Variants in PKP4 observed in about 807,000 individuals in gnomAD.
PKP4 encodes plakophilin-4.
PKP4 carries 90 observed loss-of-function variants against 145.1 expected under a neutral mutation model. The observed-to-expected ratio is 0.62, with a 90% CI of 0.52 to 0.74. The LOEUF is 0.74. Among genes scored for constraint, PKP4 ranks in the 30% least tolerant of loss-of-function variants. PKP4 has a pLI of 0.00. For missense variants in PKP4, 1,340 were observed against 1,482.7 expected (o/e 0.90, Z 1.58); for synonymous variants, 563 against 577.2 (o/e 0.98, Z 0.35).
chr2:158,593,718 T>C (rs142241659), intron 3 of PKP4, among the ~76,000 whole-genome samples: 1 of 152,338 alleles, frequency 6.6e-6, no homozygotes, highest in African/African-American at 2.4e-5. Context: ...ATATTGTTTA[T>C]TTAAATCTTA....
At chr2:158,473,786 C>T (rs985697596) in intron 1 of PKP4, among the ~76,000 whole-genome samples, 1 of 152,066 alleles carries the variant, frequency 6.6e-6, no homozygotes, top group South Asian at 2.1e-4. Flanking sequence ...TCACATGTAC[C>T]CCTGAACCTA....
At chr2:158,670,578 A>G (rs565197828) in intron 17 of PKP4, among the ~76,000 whole-genome samples, 1 of 152,326 alleles carries the variant, frequency 6.6e-6, no homozygotes, top group South Asian at 2.1e-4. Context: ...AAATGCCAGG[A>G]TGAGAAAAAT....
At chr2:158,528,286 A>G (rs1574304704) in intron 1 of PKP4, among the ~76,000 whole-genome samples, 1 of 148,524 alleles carries the variant, frequency 6.7e-6, no homozygotes. Flanking sequence ...GCACATATAC[A>G]CCATGGAATA....
intron 1 of PKP4, among the ~76,000 whole-genome samples, chr2:158,492,029 A>C (rs1456152415): frequency 6.6e-6 from 1 of 152,126 alleles, no homozygotes; most frequent in African/African-American, 2.4e-5. Context: ...GGCTGGTCTC[A>C]AACCTCTAGG....
chr2:158,559,500 G>A (rs181248250), intron 2 of PKP4, among the ~76,000 whole-genome samples: 488 of 152,208 alleles, frequency 3.2e-3, no homozygotes, highest in African/African-American at 3.5e-3. Flanking sequence ...CAAGCCCTAC[G>A]CAGGAACCCT....
At chr2:158,516,926 G>T (rs1371474970) in intron 1 of PKP4, among the ~76,000 whole-genome samples, 1 of 152,086 alleles carries the variant, frequency 6.6e-6, no homozygotes, top group African/African-American at 2.4e-5. Flanking sequence ...CTCCCAAAGT[G>T]CTGAGAGTAC....
Position 158,666,556 on chromosome 2 carries a change from G to T in PKP4, c.2721G>T (p.Glu907Asp). 6.2e-7 allele frequency: 1 copy of T among 1,609,492 alleles called. No homozygotes were observed. The highest frequency in any genetic ancestry group is 8.5e-7 in the Non-Finnish European group (1 of 1,178,432). ...RNMALDVRNKELIGKYAMRDL... is the reference protein window; with the variant it reads ...RNMALDVRNKDLIGKYAMRDL... Reference sequence around the variant, plus strand: ...TGGCACTAGATGTTCGCAACAAGGAGCTCATAGGTATGTTCTGGTGACAAG... The same window carrying T: ...TGGCACTAGATGTTCGCAACAAGGATCTCATAGGTATGTTCTGGTGACAAG... Residue 907 changes from glutamate (E) to aspartate (D), a missense_variant, in exon 16 of 22, where the codon GAG (glutamate) becomes GAT (aspartate). Physicochemically the swap from Glu to Asp is conservative, Grantham distance 45 (BLOSUM62 2). Transcript: ENST00000389759.
intron 4 of PKP4, among the ~76,000 whole-genome samples, chr2:158,617,344 A>G (rs7563270): frequency 0.91 from 138,556 of 152,138 alleles, 63,167 homozygotes; most frequent in East Asian, 0.97. Flanking sequence ...TTAAACCAAC[A>G]CATGTTCTTC....
rs188866069 is a variant in PKP4 at position 158,555,308 on chromosome 2, C to A, written c.133-21963C>A. 5.9e-5 allele frequency among the ~76,000 whole-genome samples: 9 copies of A among 152,336 alleles called. No homozygotes were observed. The East Asian group carries it at 1.5e-3, about 26-fold the overall frequency. Reference sequence around the variant, plus strand: ...GTGAGCCAGCTATTCTCCTGCCTAGCAGGCTTTAGGGACACCACCTTTCCC... The same window carrying A: ...GTGAGCCAGCTATTCTCCTGCCTAGAAGGCTTTAGGGACACCACCTTTCCC... On this transcript the variant is annotated intron_variant, in intron 2 of 21. Transcript: ENST00000389759.
At chr2:158,542,065 A>C (rs921392497) in intron 2 of PKP4, among the ~76,000 whole-genome samples, 30 of 152,206 alleles carry the variant, frequency 2.0e-4, no homozygotes, top group African/African-American at 7.0e-4. Flanking sequence ...TCTGTTAATT[A>C]TTTTCAAAGT....
chr2:158,510,853 T>C (rs2041442353), intron 1 of PKP4, among the ~76,000 whole-genome samples: 1 of 152,246 alleles, frequency 6.6e-6, no homozygotes, highest in Non-Finnish European at 1.5e-5. Context: ...GACAAGCAGA[T>C]GCAGAGGGAC....
In PKP4 at chr2:158,466,577, C is replaced by T. The variant is rs185654915; in HGVS notation, c.-6+9359C>T. ...AAAATTAGCCAGGCGTGGTGGCGGGCGCCTGTAGTCCCAGCTACTTGGGAG... is the reference window on the plus strand; with the variant it reads ...AAAATTAGCCAGGCGTGGTGGCGGGTGCCTGTAGTCCCAGCTACTTGGGAG... On this transcript the variant is annotated intron_variant, in intron 1 of 21. Transcript: ENST00000389759. Among the ~76,000 whole-genome samples the T allele has an allele frequency of 3.6e-3, 536 of 150,544 alleles. 3 individuals carry two copies. Among genetic ancestry groups the T allele is most frequent in the African/African-American group, 0.012 (508 of 41,130 alleles).
intron 1 of PKP4, among the ~76,000 whole-genome samples, chr2:158,478,560 T>C (rs1372371623): frequency 6.6e-6 from 1 of 152,250 alleles, no homozygotes; most frequent in Non-Finnish European, 1.5e-5. Context: ...AGTAGTTTTC[T>C]AAATATTTGG....
intron 2 of PKP4, among the ~76,000 whole-genome samples, chr2:158,572,660 T>G (rs1246511915): frequency 6.6e-6 from 1 of 152,224 alleles, no homozygotes; most frequent in East Asian, 1.9e-4. Flanking sequence ...AGGACAGGCC[T>G]GGGTGCTGGC....
chr2:158,628,088 C>T (rs746526671), intron 7 of PKP4, among the ~76,000 whole-genome samples: 1 of 151,966 alleles, frequency 6.6e-6, no homozygotes, highest in Non-Finnish European at 1.5e-5. Context: ...TCAAGCGATT[C>T]TTCTGCCTCA....
At chr2:158,550,180 C>T (rs1018857607) in intron 2 of PKP4, among the ~76,000 whole-genome samples, 2 of 101,096 alleles carry the variant, frequency 2.0e-5, no homozygotes, top group Non-Finnish European at 2.8e-5. Context: ...AATGTTGCTT[C>T]AAACACAGAA....
chr2:158,472,782 A>G (rs1464491844), intron 1 of PKP4, among the ~76,000 whole-genome samples: 1 of 152,164 alleles, frequency 6.6e-6, no homozygotes, highest in Non-Finnish European at 1.5e-5. Context: ...TTTTAAAAGC[A>G]GTGAAAAAAA....
intron 7 of PKP4, among the ~76,000 whole-genome samples, chr2:158,628,617 C>T (rs1044990612): frequency 1.3e-5 from 2 of 152,142 alleles, no homozygotes; most frequent in Non-Finnish European, 2.9e-5. Context: ...GATCCTATAA[C>T]GAGTGAACAT....
intron 1 of PKP4, among the ~76,000 whole-genome samples, chr2:158,495,678 A>G (rs1695595713): frequency 6.6e-6 from 1 of 151,766 alleles, no homozygotes; most frequent in Non-Finnish European, 1.5e-5. Context: ...TACTGAAAAT[A>G]CAAAAATTAG....
Sources: gnomAD v4.1 joint callset for allele counts (sites outside exome capture counted in the v4.1 genomes callset) on GRCh38, gnomAD v4.1.1 for gene constraint, MANE v1.5 for transcripts, NCBI Gene and HGNC (gene_info 2026-07-23, HGNC 2026-07-21) for gene names.